Variants in SPTAN1 observed in about 807,000 individuals in gnomAD.
The protein encoded by SPTAN1 is spectrin alpha, non-erythrocytic 1.
A neutral mutation model predicts 331.3 loss-of-function variants in SPTAN1; 61 were observed. The observed-to-expected ratio is 0.18, with a 90% confidence interval of 0.15 to 0.23. SPTAN1 has a LOEUF of 0.23. SPTAN1 is among the 10% of genes least tolerant of loss of function. SPTAN1 has a pLI of 1.00. For synonymous variants in SPTAN1, 1,153 were observed against 1,173.9 expected (o/e 0.98, Z 0.36); for missense variants, 2,043 against 3,147.9 (o/e 0.65, Z 8.40).
chr9:128,556,198 G>A (rs186805427), intron 1 of SPTAN1, among the ~76,000 whole-genome samples: 16 of 151,614 alleles, frequency 1.1e-4, no homozygotes, highest in Non-Finnish European at 1.8e-4. Context: ...TCCAGCCCAG[G>A]TGACAGTGCG....
chr9:128,617,024 A>G (rs1489500857), intron 41 of SPTAN1, among the ~76,000 whole-genome samples: 1 of 151,990 alleles, frequency 6.6e-6, no homozygotes, highest in Non-Finnish European at 1.5e-5. Context: ...GATCACTTGA[A>G]TCCAAGAGTT....
rs750847756 is a variant in SPTAN1 at position 128,607,914 on chromosome 9, G to A, written c.4209G>A (p.Gln1403=). 6.2e-7 allele frequency: 1 copy of A among 1,614,094 alleles called. No individual in the cohort carries two copies. The highest frequency in any genetic ancestry group is 1.1e-5 in the South Asian group (1 of 91,064). Reference sequence around the variant, plus strand: ...TCCAGGCATTTGAGCAGTTTGGACAGCAGCTGTTGGCTCACGGACACTATG... The same window carrying A: ...TCCAGGCATTTGAGCAGTTTGGACAACAGCTGTTGGCTCACGGACACTATG... ...GTFQAFEQFG[Q]QLLAHGHYAS... is the part of the protein sequence containing the mutation. The change falls in exon 33 of 57, where the codon CAG becomes CAA. Residue 1403 remains glutamine, a synonymous_variant. Coordinates refer to ENST00000372739, the MANE Select transcript of SPTAN1 (RefSeq NM_001130438.3).
chr9:128,554,922 G>A (rs1387777983), intron 1 of SPTAN1, among the ~76,000 whole-genome samples: 2 of 152,190 alleles, frequency 1.3e-5, no homozygotes, highest in Non-Finnish European at 2.9e-5. Context: ...AGATCTTTGT[G>A]GCTTGAGTTC....
In SPTAN1 at chr9:128,603,496, T is replaced by C. The variant is rs200685538; in HGVS notation, c.3580-47T>C. On this transcript the variant is annotated intron_variant, in intron 27 of 56. Coordinates refer to ENST00000372739, the MANE Select transcript of SPTAN1 (RefSeq NM_001130438.3). ...GACACTTGCAGCTCAGATCTCTAAT[T>C]GCCAGACACTTGATTAGTTTTGCCT... 4 of 1,610,714 alleles carry C rather than the reference T, an allele frequency of 2.5e-6. No individual in the cohort carries two copies. In the East Asian group the frequency reaches 8.9e-5, roughly 36 times the overall value.
intron 19 of SPTAN1, among the ~76,000 whole-genome samples, chr9:128,586,525 CTT>C (rs1477810454): frequency 4.6e-5 from 7 of 152,074 alleles, no homozygotes; most frequent in South Asian, 2.1e-4. Context: ...ATTTGTCACT[CTT>C]GTTTCATCTA....
At chr9:128,557,711 A>T (rs79811889) in intron 1 of SPTAN1, among the ~76,000 whole-genome samples, 2 of 150,282 alleles carry the variant, frequency 1.3e-5, no homozygotes, top group East Asian at 3.9e-4. Flanking sequence ...GTAGGAATCC[A>T]TTTTCAGTTG....
chr9:128,568,576 G>C (rs1443446627), intron 2 of SPTAN1, among the ~76,000 whole-genome samples, 196 bp from the exon 3 acceptor site: 1 of 152,212 alleles, frequency 6.6e-6, no homozygotes, highest in Non-Finnish European at 1.5e-5. Flanking sequence ...CGCTGGCCAG[G>C]CTTTCAGAGG....
At chr9:128,598,929 TA>T in intron 25 of SPTAN1, 33 bp from the exon 26 acceptor site, 4 of 1,604,408 alleles carry the variant, frequency 2.5e-6, no homozygotes, top group Non-Finnish European at 3.4e-6. Context: ...GTATTTCTTC[TA>T]ATAATAAAAC....
At chr9:128,631,799 G>A (rs966543793) in intron 52 of SPTAN1, 8 of 345,314 alleles carry the variant, frequency 2.3e-5, no homozygotes, top group African/African-American at 6.3e-5. Context: ...TAGCCTAGGC[G>A]ACAGTGAGAC....
chr9:128,602,502 C>G (rs944734450), intron 27 of SPTAN1, among the ~76,000 whole-genome samples: 3 of 152,164 alleles, frequency 2.0e-5, no homozygotes, highest in Non-Finnish European at 2.9e-5. Context: ...CAGGCGTGAG[C>G]CATCATGCCC....
At chr9:128,618,252 A>G in intron 43 of SPTAN1, 144 bp downstream of exon 43, 1 of 1,250,708 alleles carries the variant, frequency 8.0e-7, no homozygotes, top group Non-Finnish European at 1.1e-6. Flanking sequence ...TTTGCTCCAG[A>G]GCCACCTCCT....
chr9:128,557,582 C>T (rs998067333), intron 1 of SPTAN1, among the ~76,000 whole-genome samples: 1 of 151,338 alleles, frequency 6.6e-6, no homozygotes, highest in African/African-American at 2.4e-5. Flanking sequence ...TTTATGCCCC[C>T]AAATACCCCC....
At chr9:128,578,326 T>C in intron 9 of SPTAN1, 81 bp downstream of exon 9, 9 of 1,566,908 alleles carry the variant, frequency 5.7e-6, no homozygotes, top group South Asian at 2.2e-5. Flanking sequence ...GTGAGGCCTA[T>C]AGTCGGCGTT....
intron 5 of SPTAN1, among the ~76,000 whole-genome samples, chr9:128,575,988 G>A (rs1253515365): frequency 6.6e-6 from 1 of 152,118 alleles, no homozygotes; most frequent in Non-Finnish European, 1.5e-5. Context: ...TTATAGGCTG[G>A]TACTTGTTTC....
At chr9:128,617,910 G>C in intron 42 of SPTAN1, 77 bp from the exon 43 acceptor site, 1 of 1,613,430 alleles carries the variant, frequency 6.2e-7, no homozygotes, top group Middle Eastern at 1.7e-4. Flanking sequence ...TTGATGTTGA[G>C]GCCTTTTCCT....
At chr9:128,603,426 T>TA in intron 27 of SPTAN1, 117 bp from the exon 28 acceptor site, 1 of 1,044,324 alleles carries the variant, frequency 9.6e-7, no homozygotes, top group South Asian at 1.3e-5. Context: ...ATGTTGACAG[T>TA]ATCCCTTTAA....
In SPTAN1 at chr9:128,627,236, T is replaced by TGGTACCAAGAACTACCAA; in HGVS notation, c.6577-149_6577-148insGTACCAAGAACTACCAAG. 1 of 706,506 alleles carries TGGTACCAAGAACTACCAA rather than the reference T, an allele frequency of 1.4e-6. No individual in the cohort carries two copies. The allele number at this position is 706,506 out of a possible 1,614,324, so 43.8% of individuals were successfully genotyped here. A position where few individuals can be genotyped will look rare whatever the true frequency, so the allele number is the denominator to read the frequency against. Reference sequence around the variant, plus strand: ...ACAGAGAAAGAACTACCAAGTGCTCTGAGCCGGCCTCATGTCTCCCAGCCT... The same window carrying TGGTACCAAGAACTACCAA: ...ACAGAGAAAGAACTACCAAGTGCTCTGGTACCAAGAACTACCAAGAGCCGGCCTCATGTCTCCCAGCCT... On this transcript the variant is annotated intron_variant, in intron 49 of 56. Coordinates refer to ENST00000372739, the MANE Select transcript of SPTAN1 (RefSeq NM_001130438.3). The surrounding 1 kb of genome is among the most constrained non-coding windows in gnomAD (Gnocchi z 4.9).
At chr9:128,557,799 CTTTTTTT>C (rs72214808) in intron 1 of SPTAN1, among the ~76,000 whole-genome samples, 6 of 85,008 alleles carry the variant, frequency 7.1e-5, no homozygotes, top group Admixed American at 4.6e-4. Context: ...TTAGAAATTT[CTTTTTTT>C]TTTTTTTTTT....
At chr9:128,554,339 G>A (rs1475024889) in intron 1 of SPTAN1, among the ~76,000 whole-genome samples, 1 of 152,176 alleles carries the variant, frequency 6.6e-6, no homozygotes, top group African/African-American at 2.4e-5. Context: ...GTGTTTTGTA[G>A]TCATCTAATA....
Sources: gnomAD v4.1 joint callset for allele counts (sites outside exome capture counted in the v4.1 genomes callset) on GRCh38, gnomAD v4.1.1 for gene constraint, Gnocchi (gnomAD v3.1) non-coding constraint, MANE v1.5 for transcripts, NCBI Gene and HGNC (gene_info 2026-07-23, HGNC 2026-07-21) for gene names.